Variants in MMS22L observed in about 807,000 individuals in gnomAD.
The protein encoded by MMS22L is MMS22 like, DNA repair protein.
In MMS22L, 74 loss-of-function variants were observed where a neutral mutation model predicts 159.1. The observed-to-expected ratio is 0.47, with a 90% CI of 0.39 to 0.56. The LOEUF (loss-of-function observed/expected upper bound fraction) is 0.56. MMS22L is among the 20% of genes least tolerant of loss of function. The pLI is 0.00. For synonymous variants in MMS22L, 517 were observed against 506.9 expected (o/e 1.02, Z -0.27); for missense variants, 1,351 against 1,422.1 (o/e 0.95, Z 0.80).
chr6:97,242,486 T>TC (rs1406804478), intron 11 of MMS22L, among the ~76,000 whole-genome samples: 1 of 152,208 alleles, frequency 6.6e-6, no homozygotes, highest in Non-Finnish European at 1.5e-5. Flanking sequence ...TATGAGTCCT[T>TC]ATGTGTTAAG....
intron 11 of MMS22L, among the ~76,000 whole-genome samples, chr6:97,239,336 T>C (rs1811805085): frequency 6.6e-6 from 1 of 152,188 alleles, no homozygotes; most frequent in African/African-American, 2.4e-5. Flanking sequence ...AACTAAAAAT[T>C]ACTTCTGTGA....
chr6:97,186,684 C>G lies in MMS22L; in HGVS notation c.2046G>C (p.Met682Ile), dbSNP rs747622217. ...LQAVLARIRS[M>I]HQQLCQELQR... ...GAAGTTCCTGACACAATTGTTGATG[C>G]ATACTCCTAAAAAGAAATAAAAATA... is the stretch of plus-strand genomic sequence containing the variant. The change falls in exon 15 of 25, where the codon ATG (methionine) becomes ATC (isoleucine). Residue 682 changes from methionine (M) to isoleucine (I), a missense_variant. By Grantham distance (10) the Met-to-Ile change is conservative. Coordinates refer to ENST00000683635, the MANE Select transcript of MMS22L (RefSeq NM_001350599.2). 3 of 1,538,660 alleles carry G rather than the reference C, an allele frequency of 1.9e-6. No homozygotes were observed. Among genetic ancestry groups the G allele is most frequent in the East Asian group, 2.4e-5 (1 of 41,520 alleles).
At chr6:97,254,855 AAAT>A in intron 9 of MMS22L, 122 bp from the exon 10 acceptor site, 3 of 687,432 alleles carry the variant, frequency 4.4e-6, no homozygotes. Context: ...TATAAAACTG[AAAT>A]AATAAAAATG....
intron 24 of MMS22L, 95 bp from the exon 25 acceptor site, chr6:97,146,982 A>G: frequency 1.2e-6 from 1 of 800,556 alleles, no homozygotes; most frequent in Non-Finnish European, 2.0e-6. Context: ...TCATCCATCC[A>G]TCCATCTATT....
intron 10 of MMS22L, among the ~76,000 whole-genome samples, chr6:97,250,917 C>T (rs1478795026): frequency 6.6e-6 from 1 of 152,152 alleles, no homozygotes; most frequent in Non-Finnish European, 1.5e-5. Context: ...AGCATGCTTA[C>T]TGCACAACCA....
Position 97,145,042 on chromosome 6 carries a change from A to C in MMS22L, c.*1764T>G, listed in dbSNP as rs1194035507. 5 of 134,050 alleles carry C rather than the reference A, an allele frequency of 3.7e-5. No individual in the cohort carries two copies. Among genetic ancestry groups the C allele is most frequent in the African/African-American group, 6.7e-5 (2 of 29,666 alleles). The allele number at this position is 134,050 out of a possible 1,614,324, so 8.3% of individuals were successfully genotyped here. ...AAAAAACCCACACACACACACACAC[A>C]CACACACACACACACACACACACAA... On this transcript the variant is annotated 3_prime_UTR_variant, in exon 25 of 25. Coordinates refer to ENST00000683635, the MANE Select transcript of MMS22L (RefSeq NM_001350599.2).
At chr6:97,160,525 T>G (rs1802332301) in intron 22 of MMS22L, among the ~76,000 whole-genome samples, 1 of 152,000 alleles carries the variant, frequency 6.6e-6, no homozygotes, top group Admixed American at 6.6e-5. Context: ...CTCTGGCTAC[T>G]TCCAAGATTT....
At chr6:97,217,435 A>G (rs1809138867) in intron 14 of MMS22L, among the ~76,000 whole-genome samples, 1 of 151,966 alleles carries the variant, frequency 6.6e-6, no homozygotes, top group Non-Finnish European at 1.5e-5. Context: ...TTGTATTTTT[A>G]GTAGAGGTGG....
chr6:97,144,105 CAAAAA>C lies in MMS22L; in HGVS notation c.*2696_*2700del, dbSNP rs34856577. Reference sequence around the variant, plus strand: ...CTCAAAACAACAACAACAACAACAACAAAAAAAAAAAAAAAAAAAAAAAGAGAGAG... The same window carrying C: ...CTCAAAACAACAACAACAACAACAACAAAAAAAAAAAAAAAAAAGAGAGAG... On this transcript the variant is annotated 3_prime_UTR_variant, in exon 25 of 25. Coordinates refer to ENST00000683635, the MANE Select transcript of MMS22L (RefSeq NM_001350599.2). 6 of 87,334 alleles carry C rather than the reference CAAAAA, an allele frequency of 6.9e-5. No homozygotes were observed. The highest frequency in any genetic ancestry group is 8.0e-4 in the East Asian group (2 of 2,508). 5.4% of individuals were successfully genotyped at this position (87,334 alleles called of 1,614,324 possible). A position where few individuals can be genotyped will look rare whatever the true frequency, so the allele number is the denominator to read the frequency against.
At position 97,273,015 on chromosome 6, in the gene MMS22L, A is replaced by T. The variant is rs1459074758; in HGVS notation, c.388T>A (p.Cys130Ser). The T allele has an allele frequency of 6.2e-7, 1 of 1,612,910 alleles. No individual in the cohort carries two copies. Among genetic ancestry groups the T allele is most frequent in the African/African-American group, 1.3e-5 (1 of 74,882 alleles). ...TTAACATAATGGAGAAATAGTACAC[A>T]CTGCTGCCTAATATTGTCTGCTTTG... ...HCKADNIRQQ[C>S]VLFLHYVKVF... Residue 130 changes from cysteine to serine, a missense_variant, in exon 5 of 25, where the codon TGT (cysteine) becomes AGT (serine). Cys to Ser is a moderately radical substitution (Grantham distance 112). Transcript: ENST00000683635.
chr6:97,231,855 A>G (rs971998271), intron 12 of MMS22L, among the ~76,000 whole-genome samples: 1 of 152,152 alleles, frequency 6.6e-6, no homozygotes, highest in African/African-American at 2.4e-5. Flanking sequence ...TTGTCCCCCA[A>G]ATGTGTTTTT....
chr6:97,267,651 A>G (rs1815270717), intron 8 of MMS22L: 2 of 294,010 alleles, frequency 6.8e-6, no homozygotes, highest in African/African-American at 2.2e-5. Context: ...TTAAAAAAAA[A>G]AAAAAAAAGA....
intron 9 of MMS22L, among the ~76,000 whole-genome samples, chr6:97,257,715 C>A (rs532211272): frequency 1.3e-5 from 2 of 152,256 alleles, no homozygotes; most frequent in Admixed American, 6.5e-5. Flanking sequence ...GCATGAGCCA[C>A]CACACCTGGT....
intron 22 of MMS22L, among the ~76,000 whole-genome samples, chr6:97,158,350 C>T (rs1014893846): frequency 2.0e-5 from 3 of 152,096 alleles, no homozygotes; most frequent in African/African-American, 7.2e-5. Flanking sequence ...TTGTCTTCTG[C>T]TAGCTTTTGA....
Position 97,263,425 on chromosome 6 carries a change from C to T in MMS22L, c.852G>A (p.Met284Ile), listed in dbSNP as rs1475660497. Residue 284 changes from methionine (M) to isoleucine (I), a missense_variant, in exon 9 of 25, where the codon ATG becomes ATA. By Grantham distance (10) the Met-to-Ile change is conservative. Coordinates refer to ENST00000683635, the MANE Select transcript of MMS22L (RefSeq NM_001350599.2). Reference protein sequence around the residue: ...YDKVRSSESLMSDQCPCLCIK... With the variant: ...YDKVRSSESLISDQCPCLCIK... ...TGCATAAACATGGACACTGGTCACT[C>T]ATTAATGATTCAGAAGACCTAACCT... is the stretch of plus-strand genomic sequence containing the variant. The T allele has an allele frequency of 6.3e-7, 1 of 1,579,152 alleles. No homozygotes were observed. Among genetic ancestry groups the T allele is most frequent in the Non-Finnish European group, 8.6e-7 (1 of 1,168,114 alleles).
chr6:97,154,628 G>A (rs1041577250), intron 22 of MMS22L, among the ~76,000 whole-genome samples: 4 of 152,058 alleles, frequency 2.6e-5, no homozygotes, highest in African/African-American at 7.2e-5. Context: ...GTTTTCGTAT[G>A]TGGTAGGAAA....
intron 20 of MMS22L, among the ~76,000 whole-genome samples, chr6:97,167,754 T>C (rs949297158): frequency 1.3e-5 from 2 of 152,186 alleles, no homozygotes; most frequent in African/African-American, 4.8e-5. Context: ...TTACCTCTGA[T>C]GTCCTCTACA....
At chr6:97,223,410 T>C (rs1376144713) in intron 14 of MMS22L, among the ~76,000 whole-genome samples, 1 of 152,128 alleles carries the variant, frequency 6.6e-6, no homozygotes, top group Non-Finnish European at 1.5e-5. Context: ...ATAATCCATC[T>C]TCCTTACCTA....
chr6:97,201,603 C>T (rs1807172408), intron 14 of MMS22L, among the ~76,000 whole-genome samples: 1 of 152,166 alleles, frequency 6.6e-6, no homozygotes, highest in Admixed American at 6.5e-5. Flanking sequence ...ATTTAACTTC[C>T]AGCACCAGCT....
Sources: gnomAD v4.1 joint callset for allele counts (sites outside exome capture counted in the v4.1 genomes callset) on GRCh38, gnomAD v4.1.1 for gene constraint, MANE v1.5 for transcripts, NCBI Gene and HGNC (gene_info 2026-07-23, HGNC 2026-07-21) for gene names.